IL1RAPL1: variants seen among roughly 807,000 people sequenced by gnomAD.
The protein encoded by IL1RAPL1 is interleukin-1 receptor accessory protein-like 1.
In IL1RAPL1, 3 loss-of-function variants were observed where a neutral mutation model predicts 48.4. The ratio of observed to expected loss-of-function variants is 0.06; its 90% CI spans 0.03 to 0.16. The LOEUF (loss-of-function observed/expected upper bound fraction) is 0.16, where lower values mean the gene tolerates loss of function less well. Among genes scored for constraint, IL1RAPL1 ranks in the 10% least tolerant of loss-of-function variants. The probability of loss-of-function intolerance (pLI) is 1.00; values close to 1 mark genes in which losing one functional copy is unlikely to be tolerated. For synonymous variants in IL1RAPL1, 185 were observed against 187.7 expected (o/e 0.99, Z 0.12); for missense variants, 349 against 530.6 (o/e 0.66, Z 3.36).
chrX:29,034,944 T>A (rs1322437469), intron 2 of IL1RAPL1, among the ~76,000 whole-genome samples: 4 of 109,403 alleles, frequency 3.7e-5, no homozygotes, highest in Admixed American at 2.9e-4. Context: ...AAGCTCTGCC[T>A]CCTGGGTTCA....
chrX:28,918,358 CCAAT>C (rs1923537750), intron 2 of IL1RAPL1, among the ~76,000 whole-genome samples: 2 of 112,140 alleles, frequency 1.8e-5, no homozygotes, highest in Admixed American at 9.5e-5. Flanking sequence ...AGTGACCCAA[CCAAT>C]CAAATAAATT....
At chrX:29,697,022 T>C (rs1926930234) in intron 6 of IL1RAPL1, among the ~76,000 whole-genome samples, 1 of 111,987 alleles carries the variant, frequency 8.9e-6, no homozygotes, top group Non-Finnish European at 1.9e-5. Flanking sequence ...AGTGAAGTCA[T>C]ATTCCAAAGC....
At chrX:28,767,131 T>C (rs1936250382) in intron 1 of IL1RAPL1, among the ~76,000 whole-genome samples, 1 of 111,810 alleles carries the variant, frequency 8.9e-6, no homozygotes. Context: ...TTCTCCTTAG[T>C]GGTTGTACTA....
chrX:28,970,892 T>TTA (rs1446213382), intron 2 of IL1RAPL1, among the ~76,000 whole-genome samples: 5 of 110,992 alleles, frequency 4.5e-5, no homozygotes, highest in Non-Finnish European at 7.5e-5. Context: ...ATGAAAACCC[T>TTA]TATATATATA....
chrX:29,899,874 C>G (rs1405815733), intron 6 of IL1RAPL1, among the ~76,000 whole-genome samples: 6 of 111,711 alleles, frequency 5.4e-5, no homozygotes, highest in Non-Finnish European at 1.1e-4. Flanking sequence ...CTGAAAATAT[C>G]TATGAATGCT....
chrX:29,416,986 A>T (rs1934225317), intron 5 of IL1RAPL1, among the ~76,000 whole-genome samples: 1 of 111,949 alleles, frequency 8.9e-6, no homozygotes, highest in Non-Finnish European at 1.9e-5. Context: ...TTAAAAAATC[A>T]AAACATTAGG....
chrX:29,553,926 CT>C (rs749588158), intron 5 of IL1RAPL1, among the ~76,000 whole-genome samples: 1,024 of 99,434 alleles, frequency 0.01, 6 homozygotes, highest in African/African-American at 0.023. Context: ...ATCCAGTGGC[CT>C]TTTTTTTTTT....
chrX:29,772,207 C>T (rs1210906895), intron 6 of IL1RAPL1, among the ~76,000 whole-genome samples: 1 of 106,685 alleles, frequency 9.4e-6, no homozygotes, highest in Non-Finnish European at 1.9e-5. Context: ...GCCCTGATTG[C>T]ACCACTGCAC....
intron 2 of IL1RAPL1, among the ~76,000 whole-genome samples, chrX:29,186,257 A>T (rs755005912): frequency 8.9e-6 from 1 of 112,131 alleles, no homozygotes; most frequent in Non-Finnish European, 1.9e-5. Context: ...AAATTCTGGT[A>T]TGAAAAATGA....
chrX:29,622,926 GTATA>G (rs1352718659), intron 5 of IL1RAPL1, among the ~76,000 whole-genome samples: 1 of 110,317 alleles, frequency 9.1e-6, no homozygotes, highest in African/African-American at 3.3e-5. Context: ...CTTTGAGTGA[GTATA>G]TAAGCATATT....
At chrX:29,222,647 G>C (rs753019969) in intron 2 of IL1RAPL1, among the ~76,000 whole-genome samples, 2 of 111,556 alleles carry the variant, frequency 1.8e-5, no homozygotes, top group Non-Finnish European at 3.8e-5. Context: ...AGCGGAAATG[G>C]GTCCTTCAAA....
intron 6 of IL1RAPL1, among the ~76,000 whole-genome samples, chrX:29,777,577 A>T (rs894625883): frequency 8.9e-6 from 1 of 111,854 alleles, no homozygotes; most frequent in Non-Finnish European, 1.9e-5. Context: ...AAATCCAGAC[A>T]TACTAGCCTA....
intron 2 of IL1RAPL1, among the ~76,000 whole-genome samples, chrX:29,275,626 G>A (rs139201307): frequency 7.4e-4 from 83 of 112,037 alleles, no homozygotes; most frequent in African/African-American, 2.6e-3. Flanking sequence ...AACAGTTCTG[G>A]GTTGAGAGGT....
intron 6 of IL1RAPL1, among the ~76,000 whole-genome samples, chrX:29,685,175 T>G (rs1190947668): frequency 8.9e-6 from 1 of 112,395 alleles, no homozygotes; most frequent in East Asian, 2.8e-4. Context: ...ACATTTACAG[T>G]GCATCTTGCT....
At chrX:28,674,455 T>G (rs1341902805) in intron 1 of IL1RAPL1, among the ~76,000 whole-genome samples, 2 of 111,814 alleles carry the variant, frequency 1.8e-5, no homozygotes, top group African/African-American at 6.5e-5. Context: ...CCTTTTTTCA[T>G]TCTTCATTTT....
chrX:29,292,192 A>G (rs762348471), intron 3 of IL1RAPL1, among the ~76,000 whole-genome samples: 2 of 112,336 alleles, frequency 1.8e-5, no homozygotes, highest in East Asian at 5.6e-4. Flanking sequence ...AAACACTGCT[A>G]TAGACAAAAT....
chrX:29,109,956 C>G (rs1285533033), intron 2 of IL1RAPL1, among the ~76,000 whole-genome samples: 1 of 111,861 alleles, frequency 8.9e-6, no homozygotes, highest in Non-Finnish European at 1.9e-5. Context: ...TTTCATGGAA[C>G]TAGAATAAGA....
intron 2 of IL1RAPL1, among the ~76,000 whole-genome samples, chrX:29,082,603 T>C (rs1460901849): frequency 1.8e-5 from 2 of 111,975 alleles, no homozygotes; most frequent in African/African-American, 3.2e-5. Flanking sequence ...GCACCTTAAA[T>C]TGAAAATTCT....
At chrX:29,710,967 G>T (rs1313530168) in intron 6 of IL1RAPL1, among the ~76,000 whole-genome samples, 1 of 103,322 alleles carries the variant, frequency 9.7e-6, no homozygotes, top group Non-Finnish European at 2.0e-5. Flanking sequence ...TTTAAAAATT[G>T]ATTCCAATTT....
Sources: gnomAD v4.1 joint callset for allele counts (sites outside exome capture counted in the v4.1 genomes callset) on GRCh38, gnomAD v4.1.1 for gene constraint, MANE v1.5 for transcripts, NCBI Gene and HGNC (gene_info 2026-07-23, HGNC 2026-07-21) for gene names.